The following USH2A variants were observed in gnomAD, a reference collection of about 807,000 sequenced individuals.
The protein encoded by USH2A is usherin.
USH2A carries 443 observed loss-of-function variants against 538.9 expected under a neutral mutation model. The observed-to-expected ratio is 0.82, with a 90% confidence interval of 0.76 to 0.89. The LOEUF is 0.89. Ranked by LOEUF, USH2A falls within the 40% of genes least tolerant of loss-of-function variation. The pLI is 0.00. For missense variants in USH2A, 6,633 were observed against 6,324.8 expected (o/e 1.05, Z -1.65); for synonymous variants, 2,413 against 2,273.5 (o/e 1.06, Z -1.75).
chr1:215,953,142 A>G (rs1429560046), intron 37 of USH2A, among the ~76,000 whole-genome samples: 2 of 152,116 alleles, frequency 1.3e-5, no homozygotes, highest in African/African-American at 2.4e-5. Context: ...ATACTGCCCA[A>G]GGTAATTTAT....
rs138507974 is a variant in USH2A, at chr1:215,820,121, AT to A, written c.9372-2927del. 9.4e-3 allele frequency among the ~76,000 whole-genome samples: 1,428 copies of A among 151,662 alleles called. 19 individuals are homozygous for A. Among genetic ancestry groups the A allele is most frequent in the African/African-American group, 0.033 (1,349 of 41,448 alleles). On this transcript the variant is annotated intron_variant, in intron 47 of 71. Transcript: ENST00000307340. ...AAACAGATTGCAAATATTTGAATGA[AT>A]TTTTTTTGGTAGATTTGTTCATGAA...
At chr1:216,004,644 A>G (rs1460953442) in intron 32 of USH2A, among the ~76,000 whole-genome samples, 2 of 152,216 alleles carry the variant, frequency 1.3e-5, no homozygotes, top group African/African-American at 4.8e-5. Context: ...AGGAGAACAG[A>G]TAAATGTAGC....
chr1:216,363,847 A>G (rs889625613), intron 4 of USH2A, among the ~76,000 whole-genome samples: 10 of 151,856 alleles, frequency 6.6e-5, no homozygotes, highest in African/African-American at 2.4e-4. Flanking sequence ...TAGAAGGCTC[A>G]GAGGAAGCAT....
In USH2A at chr1:216,073,170, C is replaced by G; in HGVS notation, c.5703G>C (p.Arg1901Ser). The stretch of plus-strand genomic sequence containing the variant: ...GGTAAACCAGGATGGAGTCATTTCC[C>G]CTGCAGTTAACAGCACTGTCAGTTG... ...CLSTDSAVNC[R>S]GNDSILVYQG... The change falls in exon 28 of 72, where the codon AGG becomes AGC. Residue 1901 changes from arginine to serine, a missense_variant. Transcript: ENST00000307340. The G allele has an allele frequency of 6.2e-7, 1 of 1,613,792 alleles. No individual in the cohort carries two copies. Among genetic ancestry groups the G allele is most frequent in the Non-Finnish European group, 8.5e-7 (1 of 1,179,950 alleles).
At chr1:216,250,736 A>G (rs1015006270) in intron 12 of USH2A, among the ~76,000 whole-genome samples, 167 bp downstream of exon 12, 1 of 152,210 alleles carries the variant, frequency 6.6e-6, no homozygotes, top group Non-Finnish European at 1.5e-5. Flanking sequence ...GTTTGATAGA[A>G]TTATTAATTT....
chr1:215,858,455 T>C (rs1374748188), intron 44 of USH2A, among the ~76,000 whole-genome samples: 3 of 150,136 alleles, frequency 2.0e-5, no homozygotes, highest in African/African-American at 7.4e-5. Flanking sequence ...GTTTCATAAG[T>C]GTTTGACAGT....
intron 32 of USH2A, among the ~76,000 whole-genome samples, chr1:216,027,712 A>T (rs1669003566): frequency 6.6e-6 from 1 of 152,172 alleles, no homozygotes; most frequent in Non-Finnish European, 1.5e-5. Context: ...GACAGCTCTT[A>T]TTGAAAATCA....
intron 9 of USH2A, among the ~76,000 whole-genome samples, chr1:216,314,528 A>G (rs927023507): frequency 8.5e-5 from 13 of 152,160 alleles, no homozygotes; most frequent in African/African-American, 2.7e-4. Context: ...GATATATAAT[A>G]TAAATATGAC....
rs115766013 is a variant in USH2A, at chr1:215,790,038, G to A, written c.10182+21C>T. ...TTTCCATTGTCAAATCAGCGCCTCC[G>A]AGAGCTTTTCTATCAATTACCTTCA... On this transcript the variant is annotated intron_variant, in intron 51 of 71. Coordinates refer to ENST00000307340, the MANE Select transcript of USH2A (RefSeq NM_206933.4). 1.8e-3 allele frequency: 2,895 copies of A among 1,608,256 alleles called. 44 individuals carry two copies. The African/African-American group carries it at 0.033, about 18-fold the overall frequency.
At chr1:215,989,070 A>G (rs1024007772) in intron 35 of USH2A, among the ~76,000 whole-genome samples, 1 of 152,216 alleles carries the variant, frequency 6.6e-6, no homozygotes, top group Non-Finnish European at 1.5e-5. Context: ...GGACATTTAT[A>G]TTAGAACTTT....
At chr1:216,285,565 C>T (rs1008456058) in intron 11 of USH2A, among the ~76,000 whole-genome samples, 1 of 152,206 alleles carries the variant, frequency 6.6e-6, no homozygotes, top group Admixed American at 6.5e-5. Context: ...ACACAGAGTC[C>T]CCACTGGGGT....
chr1:216,009,975 GAGA>G (rs1467363952), intron 32 of USH2A, among the ~76,000 whole-genome samples: 1 of 152,132 alleles, frequency 6.6e-6, no homozygotes, highest in Admixed American at 6.5e-5. Context: ...CATCAACCCT[GAGA>G]AGCTTTACAG....
chr1:216,344,578 G>A (rs967684753), intron 4 of USH2A, among the ~76,000 whole-genome samples: 5 of 151,992 alleles, frequency 3.3e-5, no homozygotes, highest in African/African-American at 1.2e-4. Context: ...CCATGGAAGG[G>A]ACAACACGGA....
chr1:216,131,735 C>G (rs966891473), intron 21 of USH2A, among the ~76,000 whole-genome samples: 1 of 151,968 alleles, frequency 6.6e-6, no homozygotes, highest in African/African-American at 2.4e-5. Flanking sequence ...CCATTTGTAG[C>G]TTCAAAAATT....
chr1:215,698,501 T>A (rs1658889918), intron 61 of USH2A, among the ~76,000 whole-genome samples: 1 of 152,224 alleles, frequency 6.6e-6, no homozygotes, highest in Admixed American at 6.5e-5. Flanking sequence ...TCTTGACTTT[T>A]TAATTATCAC....
At chr1:216,369,717 C>T (rs1355382682) in intron 3 of USH2A, among the ~76,000 whole-genome samples, 2 of 151,610 alleles carry the variant, frequency 1.3e-5, no homozygotes, top group Non-Finnish European at 2.9e-5. Flanking sequence ...TTGAGACCAG[C>T]CTGGCCAACA....
At chr1:215,855,843 G>A (rs1386404298) in intron 44 of USH2A, among the ~76,000 whole-genome samples, 2 of 152,162 alleles carry the variant, frequency 1.3e-5, no homozygotes, top group African/African-American at 4.8e-5. Flanking sequence ...TAGGCATATA[G>A]ACCAATGAAA....
chr1:215,877,842 G>A lies in USH2A; in HGVS notation c.8597C>T (p.Ala2866Val), dbSNP rs2102450782. 1 of 1,613,792 alleles carries A rather than the reference G, an allele frequency of 6.2e-7. No homozygotes were observed. The highest frequency in any genetic ancestry group is 8.5e-7 in the Non-Finnish European group (1 of 1,179,752). Residue 2866 changes from alanine (A) to valine (V), a missense_variant, in exon 43 of 72, where the codon GCA becomes GTA. By Grantham distance (64) the Ala-to-Val change is moderately conservative (BLOSUM62 0). Coordinates refer to ENST00000307340, the MANE Select transcript of USH2A (RefSeq NM_206933.4). ...ATTTAAATCTTCTGGGGGATTTGAT[G>A]CAAGTGGCTGCTGGATTTTACGTCT... ...LLRRKIQQPLASNPPEDLNRW... is the reference protein window; with the variant it reads ...LLRRKIQQPLVSNPPEDLNRW...
At chr1:215,663,572 T>A (rs1042010510) in intron 64 of USH2A, among the ~76,000 whole-genome samples, 1 of 152,132 alleles carries the variant, frequency 6.6e-6, no homozygotes, top group Non-Finnish European at 1.5e-5. Context: ...ATTTCCCGCA[T>A]ACCTCATGCA....
Sources: allele counts gnomAD v4.1 joint callset (sites outside exome capture counted in the v4.1 genomes callset), GRCh38; gene constraint gnomAD v4.1.1; transcripts MANE v1.5; gene names NCBI Gene and HGNC (gene_info 2026-07-23, HGNC 2026-07-21).